The following ROR1 variants were observed in gnomAD, a reference collection of about 807,000 sequenced individuals.
ROR1 encodes the protein inactive tyrosine-protein kinase transmembrane receptor ROR1.
Under a neutral mutation model 78.8 loss-of-function variants are expected in ROR1, and 19 were observed. That is an observed-to-expected ratio of 0.24 (90% CI 0.17 to 0.35). ROR1 has a LOEUF of 0.35. ROR1 is among the 10% of genes least tolerant of loss of function. The pLI is 1.00. For synonymous variants in ROR1, 386 were observed against 433.6 expected (o/e 0.89, Z 1.36); for missense variants, 917 against 1,177.8 (o/e 0.78, Z 3.24).
At chr1:63,866,741 G>T (rs751810870) in intron 1 of ROR1, among the ~76,000 whole-genome samples, 1 of 152,236 alleles carries the variant, frequency 6.6e-6, no homozygotes, top group African/African-American at 2.4e-5. Flanking sequence ...GGCTGGAAAC[G>T]ATTTTATTAA....
chr1:63,843,200 C>A, intron 1 of ROR1: 1 of 1,436,610 alleles, frequency 7.0e-7, no homozygotes, highest in Admixed American at 1.7e-5. Flanking sequence ...CTCACAAAGG[C>A]TTGTCCTCTA....
chr1:63,787,601 A>C (rs925894658), intron 1 of ROR1, among the ~76,000 whole-genome samples: 1 of 148,928 alleles, frequency 6.7e-6, no homozygotes, highest in Admixed American at 6.8e-5. Context: ...ATCTCAGCTC[A>C]CTACAACCTC....
chr1:64,127,859 A>G, intron 4 of ROR1, among the ~76,000 whole-genome samples: 1 of 152,166 alleles, frequency 6.6e-6, no homozygotes, highest in South Asian at 2.1e-4. Context: ...AATAACAAGT[A>G]TTCACTTACT....
chr1:63,997,637 C>G (rs1167059943), intron 1 of ROR1, among the ~76,000 whole-genome samples: 2 of 151,142 alleles, frequency 1.3e-5, no homozygotes, highest in Non-Finnish European at 2.9e-5. Context: ...GGTTTCCTTA[C>G]CCTGGTGGTT....
chr1:63,820,494 C>T (rs977666518), intron 1 of ROR1, among the ~76,000 whole-genome samples: 2 of 152,200 alleles, frequency 1.3e-5, no homozygotes, highest in African/African-American at 4.8e-5. Context: ...CCCAGTAGAA[C>T]TGAAATCCTA....
Position 64,143,074 on chromosome 1 carries a change from A to G in ROR1, c.1174+424A>G, listed in dbSNP as rs565589581. ...CACCACAAGGCAGGATGAATCTACAACCATTACTCGGTCATCCAGGACAAT... is the reference window on the plus strand; with the variant it reads ...CACCACAAGGCAGGATGAATCTACAGCCATTACTCGGTCATCCAGGACAAT... On this transcript the variant is annotated intron_variant, in intron 7 of 8. Coordinates refer to ENST00000371079, the MANE Select transcript of ROR1 (RefSeq NM_005012.4). The G allele has an allele frequency of 7.1e-5, 73 of 1,029,086 alleles. No homozygotes were observed. The South Asian group carries it at 7.7e-4, about 11-fold the overall frequency. 63.7% of individuals were successfully genotyped at this position (1,029,086 alleles called of 1,614,324 possible).
intron 4 of ROR1, among the ~76,000 whole-genome samples, chr1:64,062,426 C>T (rs1310123651): frequency 2.6e-5 from 4 of 152,312 alleles, no homozygotes; most frequent in Non-Finnish European, 5.9e-5. Context: ...ATTCTCCTGC[C>T]TCAGCCTCCC....
At chr1:64,028,879 C>T (rs1344054398) in intron 2 of ROR1, 1 of 152,046 alleles carries the variant, frequency 6.6e-6, no homozygotes, top group Non-Finnish European at 1.5e-5. Flanking sequence ...AATACTAAGT[C>T]TTATTCATTG....
At chr1:64,036,334 C>A (rs1646701954) in intron 2 of ROR1, among the ~76,000 whole-genome samples, 1 of 152,064 alleles carries the variant, frequency 6.6e-6, no homozygotes, top group African/African-American at 2.4e-5. Flanking sequence ...TGTTTTTTGT[C>A]CTCAACAAAC....
intron 1 of ROR1, among the ~76,000 whole-genome samples, chr1:63,792,460 A>G (rs746572108): frequency 8.5e-5 from 13 of 152,184 alleles, no homozygotes; most frequent in Non-Finnish European, 1.6e-4. Context: ...TGGGGAGTGT[A>G]TAAGTCACAG....
intron 1 of ROR1, among the ~76,000 whole-genome samples, chr1:63,856,875 G>A (rs1645151828): frequency 1.3e-5 from 2 of 152,178 alleles, no homozygotes; most frequent in African/African-American, 2.4e-5. Context: ...CCATGTGACT[G>A]TGTTAGGAGC....
intron 2 of ROR1, among the ~76,000 whole-genome samples, chr1:64,014,778 A>ACACACC (rs1276655904): frequency 1.0e-5 from 1 of 96,682 alleles, no homozygotes; most frequent in Non-Finnish European, 2.1e-5. Flanking sequence ...ATATATACAC[A>ACACACC]TTTTGTCCTG....
chr1:63,895,667 A>G (rs1261284556), intron 1 of ROR1, among the ~76,000 whole-genome samples: 1 of 152,106 alleles, frequency 6.6e-6, no homozygotes, highest in Non-Finnish European at 1.5e-5. Context: ...TGCTCTGTCA[A>G]TCTCTTCTCC....
In ROR1 at chr1:63,910,017, T is replaced by C. The variant is rs901201068; in HGVS notation, c.92-99288T>C. Among the ~76,000 whole-genome samples, 7 of 152,230 alleles carry C rather than the reference T, an allele frequency of 4.6e-5. No homozygotes were observed. In the East Asian group the frequency reaches 1.3e-3, roughly 29 times the overall value. The stretch of plus-strand genomic sequence containing the variant: ...TCTCAAGGGACGGGACCTCTTGTGC[T>C]GATTAACATTCTCTTAACAAGGCAC... On this transcript the variant is annotated intron_variant, in intron 1 of 8. Transcript: ENST00000371079.
intron 1 of ROR1, among the ~76,000 whole-genome samples, chr1:63,802,820 C>T (rs626235): frequency 6.6e-6 from 1 of 152,126 alleles, no homozygotes; most frequent in Admixed American, 6.5e-5. Flanking sequence ...TCCTCTGGAC[C>T]AGCACTGTCC....
At chr1:63,791,210 G>A (rs1380260094) in intron 1 of ROR1, among the ~76,000 whole-genome samples, 1 of 152,168 alleles carries the variant, frequency 6.6e-6, no homozygotes, top group Non-Finnish European at 1.5e-5. Flanking sequence ...GTCTGGCCTT[G>A]TGGGCAGCGT....
At chr1:64,037,254 CAG>C (rs1557621206) in intron 2 of ROR1, among the ~76,000 whole-genome samples, 1 of 152,158 alleles carries the variant, frequency 6.6e-6, no homozygotes, top group Non-Finnish European at 1.5e-5. Flanking sequence ...AAACAATTTG[CAG>C]ATAGTTTTCT....
At chr1:64,021,604 G>A (rs57941993) in intron 2 of ROR1, among the ~76,000 whole-genome samples, 4,845 of 152,220 alleles carry the variant, frequency 0.032, 274 homozygotes, top group African/African-American at 0.11. Flanking sequence ...CTAGTAAATG[G>A]CAGAGCCAGA....
At chr1:63,892,223 C>G (rs1645403006) in intron 1 of ROR1, among the ~76,000 whole-genome samples, 1 of 152,106 alleles carries the variant, frequency 6.6e-6, no homozygotes, top group Admixed American at 6.5e-5. Flanking sequence ...GGAAAAGGTA[C>G]AAGGAACGGT....
Sources: allele counts gnomAD v4.1 joint callset (sites outside exome capture counted in the v4.1 genomes callset), GRCh38; gene constraint gnomAD v4.1.1; transcripts MANE v1.5; gene names NCBI Gene and HGNC (gene_info 2026-07-23, HGNC 2026-07-21).